COPG2: variants seen among roughly 807,000 people sequenced by gnomAD.
COPG2 encodes the protein coatomer subunit gamma-2.
Under a neutral mutation model 46.3 loss-of-function variants are expected in COPG2, and 37 were observed. That is an observed-to-expected ratio of 0.80 (90% CI 0.61 to 1.05). The LOEUF (loss-of-function observed/expected upper bound fraction) is 1.05, where lower values mean the gene tolerates loss of function less well. COPG2 is among the 50% of genes least tolerant of loss of function. The pLI, the probability that COPG2 is intolerant of heterozygous loss-of-function variation, is 0.00. For synonymous variants in COPG2, 159 were observed against 129.7 expected, an observed-to-expected ratio of 1.23 and a Z score of -1.53; for missense variants, 427 against 387.8, an observed-to-expected ratio of 1.10 and a Z score of -0.85.
At chr7:130,570,501 G>A (rs1793876993) in intron 9 of COPG2, among the ~76,000 whole-genome samples, 1 of 152,140 alleles carries the variant, frequency 6.6e-6, no homozygotes. Context: ...CCAAGGAGGT[G>A]AAAGATTTCT....
chr7:130,647,089 G>A (rs1217776329), intron 5 of COPG2, among the ~76,000 whole-genome samples: 2 of 151,340 alleles, frequency 1.3e-5, no homozygotes, highest in African/African-American at 2.4e-5. Context: ...CACCCAGGCT[G>A]GAGTGCAGTG....
intron 20 of COPG2, among the ~76,000 whole-genome samples, chr7:130,516,049 G>T (rs1355704874): frequency 1.3e-5 from 2 of 152,154 alleles, no homozygotes; most frequent in Admixed American, 1.3e-4. Context: ...AGACAGTACT[G>T]AATCTATGGA....
chr7:130,554,887 A>T lies in COPG2; in HGVS notation c.1224+150T>A, dbSNP rs2116392573. On this transcript the variant is annotated intron_variant, in intron 13 of 23. Coordinates refer to ENST00000425248, the MANE Select transcript of COPG2 (RefSeq NM_012133.6). Reference sequence around the variant, plus strand: ...CAAGTGGGGAAAGCAAAGCAATGGCATGTTTAGTAATAAGACAGTAACCAG... The same window carrying T: ...CAAGTGGGGAAAGCAAAGCAATGGCTTGTTTAGTAATAAGACAGTAACCAG... The T allele has an allele frequency of 1.0e-5, 4 of 397,684 alleles. No individual in the cohort carries two copies. The East Asian group carries it at 1.4e-4, about 14-fold the overall frequency. 24.6% of individuals were successfully genotyped at this position (397,684 alleles called of 1,614,324 possible).
At chr7:130,665,724 T>C (rs782583052) in intron 3 of COPG2, among the ~76,000 whole-genome samples, 3 of 151,774 alleles carry the variant, frequency 2.0e-5, no homozygotes, top group Non-Finnish European at 2.9e-5. Flanking sequence ...TAGTATCCAA[T>C]GGAGGTCCTG....
At chr7:130,612,785 G>T (rs1554452313) in intron 7 of COPG2, among the ~76,000 whole-genome samples, 1 of 152,116 alleles carries the variant, frequency 6.6e-6, no homozygotes, top group African/African-American at 2.4e-5. Context: ...TTCCTGGGAG[G>T]AAATTCAGAA....
At chr7:130,555,156 T>C (rs2116393035) in intron 12 of COPG2, 24 bp from the exon 13 acceptor site, 1 of 398,174 alleles carries the variant, frequency 2.5e-6, no homozygotes, top group East Asian at 3.6e-5. Context: ...AAAAGAATAT[T>C]CATTTTTATG....
At chr7:130,633,001 T>C (rs1441889207) in intron 5 of COPG2, among the ~76,000 whole-genome samples, 4 of 152,142 alleles carry the variant, frequency 2.6e-5, no homozygotes, top group African/African-American at 9.7e-5. Context: ...AGTGTTTGGT[T>C]TTCTGTTCCC....
At chr7:130,659,657 T>C (rs770726422) in intron 4 of COPG2, among the ~76,000 whole-genome samples, 18 of 152,054 alleles carry the variant, frequency 1.2e-4, no homozygotes, top group Non-Finnish European at 2.5e-4. Context: ...CTCAGGCCTA[T>C]AATCCCAGTA....
chr7:130,628,734 T>A (rs1467001665), intron 5 of COPG2, among the ~76,000 whole-genome samples: 1 of 152,178 alleles, frequency 6.6e-6, no homozygotes, highest in Admixed American at 6.5e-5. Flanking sequence ...CAATAAATTA[T>A]CAGTTTTTGT....
At chr7:130,567,234 G>A (rs1793819346) in intron 9 of COPG2, among the ~76,000 whole-genome samples, 2 of 152,198 alleles carry the variant, frequency 1.3e-5, no homozygotes, top group Admixed American at 6.5e-5. Flanking sequence ...AGGCACTGGA[G>A]CCTACTTGAG....
chr7:130,605,664 A>T, intron 9 of COPG2: 1 of 501,704 alleles, frequency 2.0e-6, no homozygotes, highest in South Asian at 1.5e-5. Flanking sequence ...GCCAGCAAGG[A>T]AACAGAGACC....
chr7:130,597,193 CAGA>C (rs1208669169), intron 9 of COPG2, among the ~76,000 whole-genome samples: 1 of 152,218 alleles, frequency 6.6e-6, no homozygotes, highest in Non-Finnish European at 1.5e-5. Context: ...CCCTTCTCTA[CAGA>C]AGGAGCAGAG....
chr7:130,611,230 C>T (rs1460389887), intron 8 of COPG2, 120 bp from the exon 9 acceptor site: 3 of 893,356 alleles, frequency 3.4e-6, no homozygotes, highest in Non-Finnish European at 5.0e-6. Flanking sequence ...GTCACATGTA[C>T]ACAAATATTT....
intron 20 of COPG2, among the ~76,000 whole-genome samples, chr7:130,532,689 G>A (rs911005757): frequency 2.0e-5 from 3 of 152,138 alleles, no homozygotes; most frequent in African/African-American, 7.2e-5. Context: ...AGAGAGAAGG[G>A]TGTGAAAGGT....
At position 130,564,242 on chromosome 7, in the gene COPG2, A is replaced by G. The variant is rs1489992952; in HGVS notation, c.871+18T>C. 2 of 398,506 alleles carry G rather than the reference A, an allele frequency of 5.0e-6. No homozygotes were observed. The highest frequency in any genetic ancestry group is 2.1e-5 in the African/African-American group (1 of 48,644). 24.7% of individuals were successfully genotyped at this position (398,506 alleles called of 1,614,324 possible). A position where few individuals can be genotyped will look rare whatever the true frequency, so the allele number is the denominator to read the frequency against. On this transcript the variant is annotated intron_variant, in intron 10 of 23. Coordinates refer to ENST00000425248, the MANE Select transcript of COPG2 (RefSeq NM_012133.6). Reference sequence around the variant, plus strand: ...AAACTTAGGAACATAAAAGCCAGCCATCAAATATAAAACAAACCTGAAACA... The same window carrying G: ...AAACTTAGGAACATAAAAGCCAGCCGTCAAATATAAAACAAACCTGAAACA...
intron 22 of COPG2, 150 bp downstream of exon 22, chr7:130,507,535 A>G (rs1432622524): frequency 2.1e-5 from 14 of 661,518 alleles, no homozygotes; most frequent in Non-Finnish European, 3.8e-5. Context: ...ATGGCTGATC[A>G]ATTAGATGAT....
intron 11 of COPG2, among the ~76,000 whole-genome samples, chr7:130,561,682 T>C (rs1793724269): frequency 6.6e-6 from 1 of 152,214 alleles, no homozygotes. Flanking sequence ...GCCATTCTCC[T>C]GCATCCTTGT....
chr7:130,665,441 C>G (rs117327347), intron 3 of COPG2, among the ~76,000 whole-genome samples: 7,286 of 151,996 alleles, frequency 0.048, 274 homozygotes, highest in Non-Finnish European at 0.067. Context: ...AGTTCTGAAT[C>G]TGTGGATTCA....
chr7:130,659,354 C>CAAAAAAAAAAAAACA lies in COPG2; in HGVS notation c.243+3612_243+3613insTGTTTTTTTTTTTTT, dbSNP rs1795924866. Among the ~76,000 whole-genome samples, 5 of 65,466 alleles carry CAAAAAAAAAAAAACA rather than the reference C, an allele frequency of 7.6e-5. 1 individual carries two copies. The Admixed American group carries it at 1.0e-3, about 13-fold the overall frequency. 42.9% of individuals were successfully genotyped at this position (65,466 alleles called of 152,430 possible). A position where few individuals can be genotyped will look rare whatever the true frequency, so the allele number is the denominator to read the frequency against. Reference sequence around the variant, plus strand: ...TGGGCGACAGAGCAAGACTCCGTCTCAAAAAAAAAAAAAACGAACAAACAA... The same window carrying CAAAAAAAAAAAAACA: ...TGGGCGACAGAGCAAGACTCCGTCTCAAAAAAAAAAAAACAAAAAAAAAAAAAAACGAACAAACAA... On this transcript the variant is annotated intron_variant, in intron 4 of 23. Coordinates refer to ENST00000425248, the MANE Select transcript of COPG2 (RefSeq NM_012133.6).
Sources: gnomAD v4.1 joint callset for allele counts (sites outside exome capture counted in the v4.1 genomes callset) on GRCh38, gnomAD v4.1.1 for gene constraint, MANE v1.5 for transcripts, NCBI Gene and HGNC (gene_info 2026-07-23, HGNC 2026-07-21) for gene names.